Variants in TTLL5 observed in about 807,000 individuals in gnomAD.
TTLL5 encodes the protein tubulin tyrosine ligase like 5.
A neutral mutation model predicts 168.4 loss-of-function variants in TTLL5; 132 were observed. That is an observed-to-expected ratio of 0.78 (90% CI 0.68 to 0.91). The LOEUF (loss-of-function observed/expected upper bound fraction) is 0.91, where lower values mean the gene tolerates loss of function less well. Among genes scored for constraint, TTLL5 ranks in the 40% least tolerant of loss-of-function variants. TTLL5 has a pLI of 0.00. For missense variants in TTLL5, 1,545 were observed against 1,581.5 expected (o/e 0.98, Z 0.39); for synonymous variants, 546 against 558.6 (o/e 0.98, Z 0.32).
intron 31 of TTLL5, among the ~76,000 whole-genome samples, chr14:75,926,437 A>C (rs2034073043): frequency 6.6e-6 from 1 of 152,114 alleles, no homozygotes; most frequent in Non-Finnish European, 1.5e-5. Flanking sequence ...CAGTTTCTTC[A>C]TAGCATCAAT....
At chr14:75,846,629 A>G (rs1414582953) in intron 28 of TTLL5, among the ~76,000 whole-genome samples, 1 of 152,038 alleles carries the variant, frequency 6.6e-6, no homozygotes, top group Non-Finnish European at 1.5e-5. Context: ...TGTCTCTACT[A>G]AAAATACAAA....
chr14:75,821,790 A>G (rs895769101), intron 28 of TTLL5, among the ~76,000 whole-genome samples: 1 of 152,154 alleles, frequency 6.6e-6, no homozygotes, highest in African/African-American at 2.4e-5. Flanking sequence ...GATAATGCTC[A>G]TGGTGCATTA....
At position 75,847,990 on chromosome 14, in the gene TTLL5, C is replaced by A. The variant is rs147310420; in HGVS notation, c.3327-15677C>A. ...TTGGTGCTGTTTTTTTTTTTAATCTCTTGTGATTTCTCTGGTATTTTCCCC... is the reference window on the plus strand; with the variant it reads ...TTGGTGCTGTTTTTTTTTTTAATCTATTGTGATTTCTCTGGTATTTTCCCC... On this transcript the variant is annotated intron_variant, in intron 28 of 31. Transcript: ENST00000298832. Among the ~76,000 whole-genome samples, 117 of 144,956 alleles carry A rather than the reference C, an allele frequency of 8.1e-4. 1 individual carries two copies. The East Asian group carries it at 0.018, about 22-fold the overall frequency.
chr14:75,753,534 A>G (rs1358495398), intron 18 of TTLL5, among the ~76,000 whole-genome samples: 2 of 152,202 alleles, frequency 1.3e-5, no homozygotes, highest in East Asian at 1.9e-4. Context: ...TTGATTATCA[A>G]AATAAGGCAC....
chr14:75,711,378 C>T (rs1458645169), intron 9 of TTLL5: 1 of 152,120 alleles, frequency 6.6e-6, no homozygotes, highest in Non-Finnish European at 1.5e-5. Context: ...TTTTTCCTGT[C>T]AGGGGTGGAC....
intron 3 of TTLL5, among the ~76,000 whole-genome samples, chr14:75,679,352 C>T (rs918254835): frequency 6.6e-6 from 1 of 152,072 alleles, no homozygotes; most frequent in Non-Finnish European, 1.5e-5. Context: ...AAGCCATAAG[C>T]CAAGGAATGG....
intron 15 of TTLL5, chr14:75,737,616 T>C (rs1370393196): frequency 6.5e-7 from 1 of 1,535,032 alleles, no homozygotes; most frequent in Non-Finnish European, 8.7e-7. Flanking sequence ...AGGTAAGTTC[T>C]AGATCTTTTG....
intron 29 of TTLL5, among the ~76,000 whole-genome samples, chr14:75,881,158 C>T (rs1256217744): frequency 6.6e-6 from 1 of 152,194 alleles, no homozygotes; most frequent in Non-Finnish European, 1.5e-5. Context: ...AGGTGATCCA[C>T]ATGTCTCAGC....
chr14:75,683,849 C>T (rs1884817480), intron 5 of TTLL5, 193 bp downstream of exon 5: 2 of 427,012 alleles, frequency 4.7e-6, no homozygotes, highest in Non-Finnish European at 8.7e-6. Flanking sequence ...TCTTGGCTCA[C>T]TGCAACCTCT....
intron 18 of TTLL5, among the ~76,000 whole-genome samples, chr14:75,764,096 G>A (rs1041046243): frequency 3.0e-4 from 45 of 152,050 alleles, no homozygotes; most frequent in African/African-American, 9.4e-4. Context: ...CAGTCAACTC[G>A]GTGCTCCCTC....
Position 75,902,169 on chromosome 14 carries a change from T to G in TTLL5, c.3768T>G (p.Asn1256Lys). The G allele has an allele frequency of 6.2e-7, 1 of 1,614,168 alleles. No individual in the cohort carries two copies. The highest frequency in any genetic ancestry group is 8.5e-7 in the Non-Finnish European group (1 of 1,180,018). ...SKGSSAEGQLNGLQSSLNPAA... is the reference protein window; with the variant it reads ...SKGSSAEGQLKGLQSSLNPAA... ...GGTCCTCCGCGGAAGGGCAGCTGAA[T>G]GGACTCCAGAGCAGCCTTAACCCTG... The change falls in exon 31 of 32, where the codon AAT becomes AAG. Residue 1256 changes from asparagine (N) to lysine (K), a missense_variant. Physicochemically the swap from Asn to Lys is moderately conservative, Grantham distance 94. Coordinates refer to ENST00000298832, the MANE Select transcript of TTLL5 (RefSeq NM_015072.5).
intron 29 of TTLL5, among the ~76,000 whole-genome samples, chr14:75,872,084 T>C (rs1166847771): frequency 6.6e-6 from 1 of 152,226 alleles, no homozygotes; most frequent in East Asian, 1.9e-4. Context: ...AGCAGACCTA[T>C]CTTTATTTAG....
At chr14:75,901,477 C>T (rs2032918998) in intron 30 of TTLL5, among the ~76,000 whole-genome samples, 1 of 152,156 alleles carries the variant, frequency 6.6e-6, no homozygotes. Flanking sequence ...TCAAAGTTGG[C>T]ATGAGGGGAG....
intron 15 of TTLL5, chr14:75,737,677 T>C: frequency 4.8e-6 from 7 of 1,465,966 alleles, no homozygotes; most frequent in Non-Finnish European, 6.4e-6. Context: ...GTTTTTTAGC[T>C]TTAGTTTTTC....
intron 18 of TTLL5, among the ~76,000 whole-genome samples, chr14:75,756,790 G>T (rs986732476): frequency 1.3e-5 from 2 of 152,124 alleles, no homozygotes; most frequent in African/African-American, 4.8e-5. Context: ...TTACAGGCAT[G>T]AGCCACTGCC....
At chr14:75,857,253 CT>C in intron 28 of TTLL5, among the ~76,000 whole-genome samples, 1 of 152,196 alleles carries the variant, frequency 6.6e-6, no homozygotes, top group African/African-American at 2.4e-5. Context: ...TAATATATGA[CT>C]TTTCTTCATT....
At position 75,917,126 on chromosome 14, in the gene TTLL5, G is replaced by A. The variant is rs114320902; in HGVS notation, c.3823+14902G>A. Among the ~76,000 whole-genome samples, 851 of 152,318 alleles carry A rather than the reference G, an allele frequency of 5.6e-3. 10 individuals are homozygous for A. Among genetic ancestry groups the A allele is most frequent in the African/African-American group, 0.019 (793 of 41,566 alleles). On this transcript the variant is annotated intron_variant, in intron 31 of 31. Coordinates refer to ENST00000298832, the MANE Select transcript of TTLL5 (RefSeq NM_015072.5). ...CTGAATGATGGGATGGTCGTGCAGC[G>A]TGAATGCACTTAATGCCACTGAACT...
chr14:75,775,299 C>T (rs1021830581), intron 21 of TTLL5, among the ~76,000 whole-genome samples, 185 bp from the exon 22 acceptor site: 4 of 152,086 alleles, frequency 2.6e-5, no homozygotes, highest in Admixed American at 2.0e-4. Context: ...GAATAAGTTT[C>T]TTTCATTTTT....
intron 3 of TTLL5, among the ~76,000 whole-genome samples, chr14:75,672,376 G>T (rs1479041152): frequency 6.6e-6 from 1 of 152,094 alleles, no homozygotes; most frequent in East Asian, 1.9e-4. Flanking sequence ...CTCCCGAGTA[G>T]CTGGGATTAT....
Sources: gnomAD v4.1 joint callset for allele counts (sites outside exome capture counted in the v4.1 genomes callset) on GRCh38, gnomAD v4.1.1 for gene constraint, MANE v1.5 for transcripts, NCBI Gene and HGNC (gene_info 2026-07-23, HGNC 2026-07-21) for gene names.